The following ARHGAP31 variants were observed in gnomAD, a reference collection of about 807,000 sequenced individuals.
The protein encoded by ARHGAP31 is rho GTPase-activating protein 31.
A neutral mutation model predicts 113.9 loss-of-function variants in ARHGAP31; 34 were observed. That is an observed-to-expected ratio of 0.30 (90% CI 0.23 to 0.40). ARHGAP31 has a LOEUF of 0.40. ARHGAP31 is among the 10% of genes least tolerant of loss of function. The pLI, the probability that ARHGAP31 is intolerant of heterozygous loss-of-function variation, is 1.00. For synonymous variants in ARHGAP31, 650 were observed against 684.8 expected (o/e 0.95, Z 0.79); for missense variants, 1,548 against 1,767.1 (o/e 0.88, Z 2.22).
intron 1 of ARHGAP31, among the ~76,000 whole-genome samples, chr3:119,318,071 A>G (rs1387913801): frequency 6.6e-6 from 1 of 151,450 alleles, no homozygotes; most frequent in Non-Finnish European, 1.5e-5. Context: ...AGCACCACCC[A>G]GGGCAACATA....
At chr3:119,297,285 C>T (rs948929653) in intron 1 of ARHGAP31, among the ~76,000 whole-genome samples, 1 of 152,174 alleles carries the variant, frequency 6.6e-6, no homozygotes, top group African/African-American at 2.4e-5. Context: ...TGTGGACTCT[C>T]CCAAACATGT....
intron 3 of ARHGAP31, among the ~76,000 whole-genome samples, chr3:119,370,934 C>T (rs1319864548): frequency 1.3e-5 from 2 of 152,122 alleles, no homozygotes; most frequent in Non-Finnish European, 2.9e-5. Context: ...CCAGTCTGTC[C>T]TCCAGAAAGA....
intron 1 of ARHGAP31, among the ~76,000 whole-genome samples, chr3:119,312,475 C>T (rs1249548492): frequency 3.3e-5 from 5 of 152,192 alleles, no homozygotes; most frequent in African/African-American, 4.8e-5. Context: ...TTCTTCCAGC[C>T]TTCTCTTCAT....
chr3:119,332,268 C>T (rs571825488), intron 1 of ARHGAP31, among the ~76,000 whole-genome samples: 4 of 151,776 alleles, frequency 2.6e-5, no homozygotes, highest in East Asian at 1.9e-4. Context: ...GGCATGATCT[C>T]GGCTCACTGC....
chr3:119,370,286 CATT>C (rs1353572293), intron 3 of ARHGAP31, among the ~76,000 whole-genome samples: 4 of 152,074 alleles, frequency 2.6e-5, no homozygotes, highest in Non-Finnish European at 5.9e-5. Flanking sequence ...TAATAAAAGA[CATT>C]ATGAAAAATG....
chr3:119,346,866 T>C (rs1461953256), intron 1 of ARHGAP31, among the ~76,000 whole-genome samples: 1 of 152,228 alleles, frequency 6.6e-6, no homozygotes, highest in African/African-American at 2.4e-5. Flanking sequence ...GATAGGTCCC[T>C]AAACTTCGTG....
intron 1 of ARHGAP31, among the ~76,000 whole-genome samples, chr3:119,307,962 C>CAAAAAAAAAAAAAAAAAAAAAA (rs1398577788): frequency 1.0e-4 from 1 of 9,546 alleles, no homozygotes; most frequent in Admixed American, 1.1e-3. Flanking sequence ...AAAAAAAAAG[C>CAAAAAAAAAAAAAAAAAAAAAA]TCAATCTTAG....
intron 1 of ARHGAP31, among the ~76,000 whole-genome samples, chr3:119,320,171 C>T (rs1479140034): frequency 6.6e-6 from 1 of 152,210 alleles, no homozygotes; most frequent in South Asian, 2.1e-4. Context: ...GATATTGCTG[C>T]ATTCTCCCTT....
At chr3:119,331,292 A>G (rs1427452596) in intron 1 of ARHGAP31, among the ~76,000 whole-genome samples, 2 of 152,172 alleles carry the variant, frequency 1.3e-5, no homozygotes, top group Non-Finnish European at 2.9e-5. Context: ...ACATGGTTGT[A>G]TTTGGGAAAA....
intron 9 of ARHGAP31, among the ~76,000 whole-genome samples, chr3:119,401,336 C>T (rs1190604347): frequency 6.6e-6 from 1 of 152,146 alleles, no homozygotes; most frequent in Non-Finnish European, 1.5e-5. Context: ...ATCAAACCCC[C>T]CTGTCTGGGT....
intron 1 of ARHGAP31, among the ~76,000 whole-genome samples, chr3:119,332,621 TCTCTCTCTCTCTCTCA>T (rs1185435389): frequency 8.5e-6 from 1 of 117,208 alleles, no homozygotes; most frequent in Admixed American, 1.0e-4. Flanking sequence ...TCTCTCTCTC[TCTCTCTCTCTCTCTCA>T]CACACACACA....
At chr3:119,375,384 C>T (rs2080337611) in intron 3 of ARHGAP31, among the ~76,000 whole-genome samples, 1 of 152,144 alleles carries the variant, frequency 6.6e-6, no homozygotes, top group African/African-American at 2.4e-5. Context: ...GCCTCCAGGG[C>T]CACATTGCCT....
At position 119,414,809 on chromosome 3, in the gene ARHGAP31, G is replaced by A. The variant is rs200584337; in HGVS notation, c.2880G>A (p.Thr960=). ...GCCATTCTCTAGATAGCAAACCCACGGTTAAAAGCCAGTGGACTCTCGAGG... is the reference window on the plus strand; with the variant it reads ...GCCATTCTCTAGATAGCAAACCCACAGTTAAAAGCCAGTGGACTCTCGAGG... ...RQSHSLDSKP[T]VKSQWTLEVP... The change falls in exon 12 of 12, where the codon ACG becomes ACA. Residue 960 remains threonine (T), a synonymous_variant. Coordinates refer to ENST00000264245, the MANE Select transcript of ARHGAP31 (RefSeq NM_020754.4). The A allele has an allele frequency of 3.2e-5, 52 of 1,614,194 alleles. No individual in the cohort carries two copies. Among genetic ancestry groups the A allele is most frequent in the Non-Finnish European group, 3.7e-5 (44 of 1,180,028 alleles).
rs1238862408 is a variant in ARHGAP31, at chr3:119,329,809, A to T, written c.100+34805A>T. ...GGACAGACTGTTCTGTGACTGAACCATGAGCGTATTGAGAGGAGTCTGTCC... is the reference window on the plus strand; with the variant it reads ...GGACAGACTGTTCTGTGACTGAACCTTGAGCGTATTGAGAGGAGTCTGTCC... On this transcript the variant is annotated intron_variant, in intron 1 of 11. Transcript: ENST00000264245. The T allele has an allele frequency of 5.1e-6, 5 of 985,354 alleles. No homozygotes were observed. The African/African-American group carries it at 8.7e-5, about 17-fold the overall frequency. The allele number at this position is 985,354 out of a possible 1,614,324, so 61.0% of individuals were successfully genotyped here.
intron 1 of ARHGAP31, among the ~76,000 whole-genome samples, chr3:119,359,769 C>T (rs1391858332): frequency 1.3e-5 from 2 of 152,096 alleles, no homozygotes; most frequent in African/African-American, 4.8e-5. Flanking sequence ...GTACTCACAA[C>T]CCAGAGAAAT....
At position 119,419,159 on chromosome 3, in the gene ARHGAP31, G is replaced by A. The variant is rs2080802956; in HGVS notation, c.*2895G>A. The A allele has an allele frequency of 1.3e-5, 2 of 152,144 alleles. No individual in the cohort carries two copies. The highest frequency in any genetic ancestry group is 2.9e-5 in the Non-Finnish European group (2 of 68,032). The allele number at this position is 152,144 out of a possible 1,614,324, so 9.4% of individuals were successfully genotyped here. A position where few individuals can be genotyped will look rare whatever the true frequency, so the allele number is the denominator to read the frequency against. On this transcript the variant is annotated 3_prime_UTR_variant, in exon 12 of 12. Transcript: ENST00000264245. ...GAACAGGAGCTGCTGTGTTTAGGAGGATTTACCTGGTGCCCTAGAAAGGGC... is the reference window on the plus strand; with the variant it reads ...GAACAGGAGCTGCTGTGTTTAGGAGAATTTACCTGGTGCCCTAGAAAGGGC...
chr3:119,304,541 T>C (rs1408324267), intron 1 of ARHGAP31, among the ~76,000 whole-genome samples: 1 of 152,060 alleles, frequency 6.6e-6, no homozygotes, highest in East Asian at 1.9e-4. Flanking sequence ...GCTTAAAATC[T>C]GGGAAAGGCA....
chr3:119,322,244 AAGGGAGCTGGCTTT>A (rs1256422952), intron 1 of ARHGAP31, among the ~76,000 whole-genome samples: 1 of 152,244 alleles, frequency 6.6e-6, no homozygotes, highest in Non-Finnish European at 1.5e-5. Flanking sequence ...CAAAGACAAG[AAGGGAGCTGGCTTT>A]AGGGAGCTGG....
chr3:119,326,693 A>T (rs1340474610), intron 1 of ARHGAP31, among the ~76,000 whole-genome samples: 9 of 152,164 alleles, frequency 5.9e-5, no homozygotes, highest in Non-Finnish European at 1.0e-4. Flanking sequence ...GGTGTTCAGA[A>T]ACCTGTGTTT....
Sources: gnomAD v4.1 joint callset for allele counts (sites outside exome capture counted in the v4.1 genomes callset) on GRCh38, gnomAD v4.1.1 for gene constraint, MANE v1.5 for transcripts, NCBI Gene and HGNC (gene_info 2026-07-23, HGNC 2026-07-21) for gene names.